WDR41: variants seen among roughly 807,000 people sequenced by gnomAD.
WDR41 encodes WD repeat domain 41, also known as WD repeat-containing protein 41.
In WDR41, 63 loss-of-function variants were observed where a neutral mutation model predicts 69.3. That is an observed-to-expected ratio of 0.91 (90% CI 0.74 to 1.12). The LOEUF (loss-of-function observed/expected upper bound fraction) is 1.12. Among genes scored for constraint, WDR41 ranks in the 50% most tolerant of loss-of-function variants. WDR41 has a pLI of 0.00. For missense variants in WDR41, 543 were observed against 534.5 expected (o/e 1.02, Z -0.16); for synonymous variants, 185 against 192.1 (o/e 0.96, Z 0.31).
chr5:77,609,197 T>A (rs1231234892), intron 1 of WDR41, among the ~76,000 whole-genome samples: 2 of 152,216 alleles, frequency 1.3e-5, no homozygotes, highest in African/African-American at 4.8e-5. Flanking sequence ...GAGGCCTGCC[T>A]GCATCTGTAG....
Position 77,448,389 on chromosome 5 carries a change from C to A in WDR41, c.697+1371G>T, listed in dbSNP as rs193054798. ...TTTCTATCAACACAGACAATCTAGT[C>A]CTTAGAAAGACCTGCAGCTGAGTTT... On this transcript the variant is annotated intron_variant, in intron 8 of 12. Coordinates refer to ENST00000296679, the MANE Select transcript of WDR41 (RefSeq NM_018268.4). 5.9e-4 allele frequency among the ~76,000 whole-genome samples: 90 copies of A among 152,238 alleles called. 1 individual carries two copies. The highest frequency in any genetic ancestry group is 2.8e-4 in the Non-Finnish European group (19 of 68,016).
chr5:77,573,487 A>C (rs890687232), intron 1 of WDR41, among the ~76,000 whole-genome samples: 1 of 152,222 alleles, frequency 6.6e-6, no homozygotes, highest in South Asian at 2.1e-4. Context: ...AAGAGACCAC[A>C]GAAGAATGAA....
chr5:77,468,288 A>T (rs889246365), intron 2 of WDR41, among the ~76,000 whole-genome samples: 5 of 152,126 alleles, frequency 3.3e-5, no homozygotes, highest in African/African-American at 1.2e-4. Context: ...ATAAAGATCA[A>T]GAGATTGTTC....
intron 1 of WDR41, chr5:77,582,399 G>A: frequency 6.2e-7 from 1 of 1,610,832 alleles, no homozygotes; most frequent in Non-Finnish European, 8.5e-7. Flanking sequence ...AAGAGAAGAA[G>A]AAGGAGGTTC....
intron 7 of WDR41, 114 bp from the exon 8 acceptor site, chr5:77,449,984 ACCCATCTC>A: frequency 1.5e-6 from 1 of 685,674 alleles, no homozygotes; most frequent in Non-Finnish European, 2.5e-6. Context: ...ATACTGAAAA[ACCCATCTC>A]CAAAAAAAAG....
At chr5:77,609,227 G>A (rs1744490282) in intron 1 of WDR41, among the ~76,000 whole-genome samples, 1 of 152,198 alleles carries the variant, frequency 6.6e-6, no homozygotes, top group African/African-American at 2.4e-5. Flanking sequence ...CTGGGGGCAG[G>A]GCACAGACAA....
intron 1 of WDR41, among the ~76,000 whole-genome samples, chr5:77,489,998 T>C (rs1801697857): frequency 6.6e-6 from 1 of 152,170 alleles, no homozygotes; most frequent in Non-Finnish European, 1.5e-5. Flanking sequence ...CAGTGCCTCA[T>C]CCATTACAAG....
chr5:77,477,128 C>A (rs1167874697), intron 2 of WDR41, among the ~76,000 whole-genome samples: 1 of 147,428 alleles, frequency 6.8e-6, no homozygotes, highest in Non-Finnish European at 1.5e-5. Flanking sequence ...AGCTAACTAT[C>A]CTAAATATAT....
At position 77,436,244 on chromosome 5, in the gene WDR41, T is replaced by G. The variant is rs190432640; in HGVS notation, c.1227+17A>C. On this transcript the variant is annotated intron_variant, in intron 12 of 12. Transcript: ENST00000296679. ...AAGCAGGAGTTGCTTGGACATTCTG[T>G]GGCTAAACAGCAATACCTCCACAGA... 69 of 1,603,212 alleles carry G rather than the reference T, an allele frequency of 4.3e-5. No homozygotes were observed. In the African/African-American group the frequency reaches 8.4e-4, roughly 20 times the overall value.
At chr5:77,560,067 A>G (rs915244887) in intron 1 of WDR41, among the ~76,000 whole-genome samples, 131 of 152,206 alleles carry the variant, frequency 8.6e-4, no homozygotes, top group African/African-American at 2.9e-3. Context: ...TTAGACACTA[A>G]AATTTTAAGA....
intron 1 of WDR41, among the ~76,000 whole-genome samples, chr5:77,568,566 G>A (rs947237433): frequency 6.6e-6 from 1 of 152,022 alleles, no homozygotes; most frequent in African/African-American, 2.4e-5. Context: ...GCAACTCCTC[G>A]CACAGGTAAT....
intron 1 of WDR41, among the ~76,000 whole-genome samples, chr5:77,532,976 T>C (rs1034147498): frequency 1.5e-4 from 23 of 152,176 alleles, no homozygotes; most frequent in African/African-American, 5.1e-4. Flanking sequence ...GGCTGTATGT[T>C]TATGTTATGT....
At chr5:77,494,552 G>A (rs1028671862), upstream of WDR41, among the ~76,000 whole-genome samples, 2 of 151,998 alleles carry the variant, frequency 1.3e-5, no homozygotes, top group Non-Finnish European at 2.9e-5. Flanking sequence ...AATCAAAAAA[G>A]TTTTCAAAGA....
chr5:77,591,558 T>C (rs991386976), intron 1 of WDR41, among the ~76,000 whole-genome samples: 1 of 152,188 alleles, frequency 6.6e-6, no homozygotes, highest in Admixed American at 6.5e-5. Context: ...CCATTAAGCC[T>C]GGCTTTCGCT....
At chr5:77,469,821 C>G (rs1233791543) in intron 2 of WDR41, among the ~76,000 whole-genome samples, 1 of 152,040 alleles carries the variant, frequency 6.6e-6, no homozygotes, top group Non-Finnish European at 1.5e-5. Context: ...CTGAAAGTGA[C>G]AGGGAGAATG....
chr5:77,520,251 G>A lies in WDR41; in HGVS notation c.43-30679C>T, dbSNP rs568053130. On this transcript the variant is annotated intron_variant, in intron 1 of 5. Transcript: ENST00000509971. ...CTACGCTAATAAACGTGCATTGACAGTATTTTTGTAATCTCTTTAGAACCA... is the reference window on the plus strand; with the variant it reads ...CTACGCTAATAAACGTGCATTGACAATATTTTTGTAATCTCTTTAGAACCA... 4.6e-5 allele frequency among the ~76,000 whole-genome samples: 7 copies of A among 152,312 alleles called. No homozygotes were observed. In the South Asian group the frequency reaches 1.2e-3, roughly 27 times the overall value.
intron 1 of WDR41, among the ~76,000 whole-genome samples, chr5:77,614,311 A>T (rs1744629370): frequency 6.6e-6 from 1 of 151,798 alleles, no homozygotes; most frequent in African/African-American, 2.4e-5. Flanking sequence ...TACCCAAAGG[A>T]CTATAAATCA....
intron 1 of WDR41, among the ~76,000 whole-genome samples, chr5:77,589,893 T>A (rs1226865003): frequency 1.3e-5 from 2 of 152,168 alleles, no homozygotes; most frequent in African/African-American, 4.8e-5. Context: ...CACCCTTTTT[T>A]CCCTATATCA....
At chr5:77,523,469 C>T (rs1286314814) in intron 1 of WDR41, among the ~76,000 whole-genome samples, 3 of 151,964 alleles carry the variant, frequency 2.0e-5, no homozygotes, top group East Asian at 1.9e-4. Flanking sequence ...AGAGAGTTTA[C>T]GTGCTTTGCT....
Sources: gnomAD v4.1 joint callset for allele counts (sites outside exome capture counted in the v4.1 genomes callset) on GRCh38, gnomAD v4.1.1 for gene constraint, MANE v1.5 for transcripts, NCBI Gene and HGNC (gene_info 2026-07-23, HGNC 2026-07-21) for gene names.